Variants in ATR observed in about 807,000 individuals in gnomAD.
ATR encodes serine/threonine-protein kinase ATR.
In ATR, 142 loss-of-function variants were observed where a neutral mutation model predicts 305.3. The observed-to-expected ratio is 0.47, with a 90% confidence interval of 0.41 to 0.53. The LOEUF (loss-of-function observed/expected upper bound fraction) is 0.53. Ranked by LOEUF, ATR falls within the 20% of genes least tolerant of loss-of-function variation. ATR has a pLI of 0.00. For synonymous variants in ATR, 1,050 were observed against 1,068.1 expected (o/e 0.98, Z 0.33); for missense variants, 2,135 against 3,133.1 (o/e 0.68, Z 7.60).
intron 18 of ATR, 150 bp from the exon 19 acceptor site, chr3:142,538,775 T>G: frequency 1.9e-6 from 2 of 1,051,220 alleles, no homozygotes; most frequent in South Asian, 3.3e-5. Flanking sequence ...GTGCTATATA[T>G]TCAAATAAAG....
intron 24 of ATR, among the ~76,000 whole-genome samples, chr3:142,519,112 A>C (rs1428570987): frequency 6.6e-6 from 1 of 152,102 alleles, no homozygotes; most frequent in Non-Finnish European, 1.5e-5. Context: ...CCGACCATTG[A>C]ACTTTTAAAA....
At chr3:142,522,917 G>A (rs2108396789) in intron 22 of ATR, 76 bp from the exon 23 acceptor site, 2 of 1,130,590 alleles carry the variant, frequency 1.8e-6, no homozygotes, top group Admixed American at 1.7e-5. Context: ...TTTTTCCATG[G>A]TGAATTTAAC....
At chr3:142,559,515 T>C (rs750958827) in intron 6 of ATR, 74 bp from the exon 7 acceptor site, 224 of 1,453,486 alleles carry the variant, frequency 1.5e-4, no homozygotes, top group Non-Finnish European at 2.0e-4. Flanking sequence ...AAAATTGTAG[T>C]AAAGCCAAAA....
intron 13 of ATR, among the ~76,000 whole-genome samples, chr3:142,551,463 T>G (rs745547459): frequency 2.8e-4 from 42 of 151,726 alleles, no homozygotes; most frequent in Non-Finnish European, 5.3e-4. Flanking sequence ...AAAAAGAAAA[T>G]AAAACTTTTA....
intron 31 of ATR, 144 bp from the exon 32 acceptor site, chr3:142,498,918 TG>T: frequency 1.2e-6 from 1 of 806,768 alleles, no homozygotes; most frequent in Non-Finnish European, 2.0e-6. Flanking sequence ...TCTCACTCTG[TG>T]GTCCAGGATA....
intron 24 of ATR, among the ~76,000 whole-genome samples, chr3:142,517,316 C>T (rs904307005): frequency 2.7e-5 from 4 of 148,906 alleles, no homozygotes; most frequent in African/African-American, 1.0e-4. Context: ...ATCCTTTAAT[C>T]CAGATTTAGT....
At position 142,461,751 on chromosome 3, in the gene ATR, T is replaced by TGGAA. The variant is rs577425835; in HGVS notation, c.7192+185_7192+188dup. Among the ~76,000 whole-genome samples, 24 of 151,110 alleles carry TGGAA rather than the reference T, an allele frequency of 1.6e-4. No homozygotes were observed. The East Asian group carries it at 2.3e-3, about 15-fold the overall frequency. On this transcript the variant is annotated intron_variant, in intron 42 of 46. Transcript: ENST00000350721. ...GATGAAGACAGGGAAGGAATCAAAATGGAAGGAAGGAAGGAAGGAAGAAAG... is the reference window on the plus strand; with the variant it reads ...GATGAAGACAGGGAAGGAATCAAAATGGAAGGAAGGAAGGAAGGAAGGAAGAAAG...
At chr3:142,505,909 T>C (rs113487251) in intron 28 of ATR, among the ~76,000 whole-genome samples, 2,851 of 151,988 alleles carry the variant, frequency 0.019, 33 homozygotes, top group South Asian at 0.041. Context: ...ACAGGAGAAG[T>C]GAGATAACTT....
intron 39 of ATR, 127 bp downstream of exon 39, chr3:142,467,807 T>C (rs1179512850): frequency 5.7e-6 from 6 of 1,061,114 alleles, no homozygotes; most frequent in African/African-American, 1.6e-5. Context: ...AATTAAAATA[T>C]ACATTTTGAT....
At chr3:142,476,429 C>G (rs1453040678) in intron 36 of ATR, among the ~76,000 whole-genome samples, 1 of 152,002 alleles carries the variant, frequency 6.6e-6, no homozygotes, top group Non-Finnish European at 1.5e-5. Flanking sequence ...TTTCTGAGGG[C>G]TCTGTTCTGT....
Position 142,550,309 on chromosome 3 carries a change from CAA to C in ATR, c.2806-9_2806-8del, listed in dbSNP as rs2108456607. 2 of 1,613,530 alleles carry C rather than the reference CAA, an allele frequency of 1.2e-6. No individual in the cohort carries two copies. The highest frequency in any genetic ancestry group is 1.7e-6 in the Non-Finnish European group (2 of 1,179,536). On this transcript the variant is annotated splice_region_variant and splice_polypyrimidine_tract_variant and intron_variant, in intron 13 of 46. Coordinates refer to ENST00000350721, the MANE Select transcript of ATR (RefSeq NM_001184.4). ...GAAGGGATTCTACCAAAAACTAGAGCAAAAACCATTTTATTGTGAGTTTTCAC... is the reference window on the plus strand; with the variant it reads ...GAAGGGATTCTACCAAAAACTAGAGCAAACCATTTTATTGTGAGTTTTCAC...
At chr3:142,501,741 C>T (rs1015105111) in intron 30 of ATR, among the ~76,000 whole-genome samples, 9 of 152,020 alleles carry the variant, frequency 5.9e-5, no homozygotes, top group African/African-American at 2.2e-4. Flanking sequence ...ATCAGAATGG[C>T]TACTATTATT....
In ATR at chr3:142,538,617, TC is replaced by T; in HGVS notation, c.3589del (p.Asp1197ThrfsTer19). On this transcript the variant is annotated frameshift_variant, in exon 19 of 47. Coordinates refer to ENST00000350721, the MANE Select transcript of ATR (RefSeq NM_001184.4). LOFTEE classifies it high-confidence loss of function. ...DFPELCCRAW[D>X]CFVRCLDHAC... ...ATGATCCAGGCAGCGAACAAAGCAG[TC>T]CCAAGCTCTATGTGAAAAAACAAAT... The T allele has an allele frequency of 6.2e-7, 1 of 1,613,368 alleles. No homozygotes were observed. The highest frequency in any genetic ancestry group is 8.5e-7 in the Non-Finnish European group (1 of 1,179,554).
intron 1 of ATR, among the ~76,000 whole-genome samples, chr3:142,576,527 T>A (rs941180207): frequency 6.6e-6 from 1 of 152,150 alleles, no homozygotes; most frequent in African/African-American, 2.4e-5. Flanking sequence ...TTTGGAGAAC[T>A]AAGTGAATAT....
chr3:142,538,943 A>T (rs949387634), intron 18 of ATR, among the ~76,000 whole-genome samples: 1 of 152,182 alleles, frequency 6.6e-6, no homozygotes, highest in Non-Finnish European at 1.5e-5. Flanking sequence ...GTAGAGGTCG[A>T]AATTGGAATC....
chr3:142,567,360 G>A (rs1360890173), intron 2 of ATR, among the ~76,000 whole-genome samples: 6 of 152,124 alleles, frequency 3.9e-5, no homozygotes, highest in Admixed American at 6.5e-5. Context: ...ATATGAATAC[G>A]ATACAAAAAC....
intron 24 of ATR, among the ~76,000 whole-genome samples, chr3:142,516,347 T>A (rs2032859341): frequency 6.6e-6 from 1 of 152,196 alleles, no homozygotes; most frequent in African/African-American, 2.4e-5. Context: ...AATATTTGTC[T>A]TTACTGAAAT....
At chr3:142,558,801 T>G in intron 7 of ATR, 25 bp from the exon 8 acceptor site, 1 of 1,577,838 alleles carries the variant, frequency 6.3e-7, no homozygotes. Context: ...AATAAGTCAT[T>G]AATTATAACT....
intron 3 of ATR, among the ~76,000 whole-genome samples, chr3:142,564,236 C>G (rs1198877999): frequency 2.0e-5 from 3 of 152,132 alleles, no homozygotes; most frequent in African/African-American, 7.2e-5. Flanking sequence ...ATGTGACTTA[C>G]TTTATTGCAA....
Sources: allele counts gnomAD v4.1 joint callset (sites outside exome capture counted in the v4.1 genomes callset), GRCh38; gene constraint gnomAD v4.1.1; transcripts MANE v1.5; gene names NCBI Gene and HGNC (gene_info 2026-07-23, HGNC 2026-07-21).